Variants in ADAMTS6 observed in about 807,000 individuals in gnomAD.
ADAMTS6 encodes the protein A disintegrin and metalloproteinase with thrombospondin motifs 6.
A neutral mutation model predicts 144.3 loss-of-function variants in ADAMTS6; 23 were observed. That is an observed-to-expected ratio of 0.16 (90% CI 0.11 to 0.23). The LOEUF is 0.23. Among genes scored for constraint, ADAMTS6 ranks in the 10% least tolerant of loss-of-function variants. The probability of loss-of-function intolerance (pLI) is 1.00; values close to 1 mark genes in which losing one functional copy is unlikely to be tolerated. For missense variants in ADAMTS6, 999 were observed against 1,379.6 expected, an observed-to-expected ratio of 0.72 and a Z score of 4.37; for synonymous variants, 444 against 457.5, an observed-to-expected ratio of 0.97 and a Z score of 0.38.
intron 14 of ADAMTS6, among the ~76,000 whole-genome samples, chr5:65,255,785 T>A (rs1401552057): frequency 1.3e-5 from 2 of 152,188 alleles, no homozygotes; most frequent in Non-Finnish European, 2.9e-5. Context: ...AAAAAAATTT[T>A]GTCAGAATAA....
intron 24 of ADAMTS6, among the ~76,000 whole-genome samples, chr5:65,162,714 A>T (rs1319537269): frequency 6.6e-6 from 1 of 152,134 alleles, no homozygotes; most frequent in Admixed American, 6.5e-5. Context: ...GATAATATAT[A>T]TAAAGGGCCT....
chr5:65,419,509 C>T (rs1331765728), intron 7 of ADAMTS6, among the ~76,000 whole-genome samples: 1 of 152,100 alleles, frequency 6.6e-6, no homozygotes, highest in Non-Finnish European at 1.5e-5. Context: ...ACACAATATA[C>T]TCAGGCAACA....
chr5:65,441,284 T>C (rs935287883), intron 7 of ADAMTS6, among the ~76,000 whole-genome samples: 3 of 152,040 alleles, frequency 2.0e-5, no homozygotes, highest in Admixed American at 2.0e-4. Flanking sequence ...CTACCCAAAA[T>C]TGAATACACA....
intron 24 of ADAMTS6, among the ~76,000 whole-genome samples, chr5:65,162,185 T>C (rs571739089): frequency 6.6e-6 from 1 of 152,338 alleles, no homozygotes; most frequent in East Asian, 1.9e-4. Flanking sequence ...ATACATAAAC[T>C]GCAAAGTTTA....
At chr5:65,381,172 G>GTC (rs574372637) in intron 7 of ADAMTS6, among the ~76,000 whole-genome samples, 1 of 151,780 alleles carries the variant, frequency 6.6e-6, no homozygotes. Flanking sequence ...CTCTCTCTTT[G>GTC]TCTCTCTCTC....
chr5:65,406,632 G>C (rs886227652), intron 7 of ADAMTS6, among the ~76,000 whole-genome samples: 1 of 152,062 alleles, frequency 6.6e-6, no homozygotes, highest in Non-Finnish European at 1.5e-5. Flanking sequence ...TATTTGCCAG[G>C]CTTTGGTATC....
At chr5:65,328,733 A>G (rs753376307) in intron 9 of ADAMTS6, among the ~76,000 whole-genome samples, 5 of 151,264 alleles carry the variant, frequency 3.3e-5, no homozygotes, top group Non-Finnish European at 7.4e-5. Flanking sequence ...TCATATTACT[A>G]CTGCCTGTTG....
chr5:65,357,026 T>C (rs16893727), intron 7 of ADAMTS6, among the ~76,000 whole-genome samples: 4,760 of 151,830 alleles, frequency 0.031, 244 homozygotes, highest in African/African-American at 0.11. Context: ...TGAGGTATAA[T>C]GGGGTGAAGA....
At chr5:65,396,604 T>C (rs191597245) in intron 7 of ADAMTS6, among the ~76,000 whole-genome samples, 1 of 152,322 alleles carries the variant, frequency 6.6e-6, no homozygotes, top group East Asian at 1.9e-4. Context: ...ATCGGATAAG[T>C]ACTCAGAAAA....
At chr5:65,444,388 C>A (rs1173775767) in intron 7 of ADAMTS6, among the ~76,000 whole-genome samples, 1 of 152,014 alleles carries the variant, frequency 6.6e-6, no homozygotes, top group Non-Finnish European at 1.5e-5. Flanking sequence ...GCTATTAAAA[C>A]CAATAAATGA....
rs1280787763 is a variant in ADAMTS6, at chr5:65,422,175, A to G, written c.1073+29300T>C. ...ATAGGTAGTTCTCAAAAGAAGATAT[A>G]CAAATGGCCAAAAAATATATGAAAA... On this transcript the variant is annotated intron_variant, in intron 7 of 24. Coordinates refer to ENST00000381055, the MANE Select transcript of ADAMTS6 (RefSeq NM_197941.4). 3.9e-5 allele frequency among the ~76,000 whole-genome samples: 6 copies of G among 152,254 alleles called. No homozygotes were observed. The East Asian group carries it at 1.2e-3, about 29-fold the overall frequency.
At chr5:65,427,560 A>T (rs1267171511) in intron 7 of ADAMTS6, among the ~76,000 whole-genome samples, 1 of 152,198 alleles carries the variant, frequency 6.6e-6, no homozygotes, top group East Asian at 1.9e-4. Flanking sequence ...GCACTTTGGG[A>T]GGCCGAGGCA....
chr5:65,285,369 T>C (rs1347915552), intron 11 of ADAMTS6, among the ~76,000 whole-genome samples: 1 of 152,138 alleles, frequency 6.6e-6, no homozygotes, highest in Non-Finnish European at 1.5e-5. Flanking sequence ...TCCACTCTCT[T>C]CACCAGATAA....
chr5:65,285,988 C>T (rs2093877722), intron 11 of ADAMTS6, among the ~76,000 whole-genome samples: 1 of 152,150 alleles, frequency 6.6e-6, no homozygotes, highest in South Asian at 2.1e-4. Context: ...GAAATTGAGT[C>T]AGTATGTGCG....
At chr5:65,302,202 A>G (rs189405129) in intron 9 of ADAMTS6, among the ~76,000 whole-genome samples, 4,182 of 143,496 alleles carry the variant, frequency 0.029, 214 homozygotes, top group African/African-American at 0.1. Context: ...TTTATATGAT[A>G]TTATACATAT....
chr5:65,374,338 A>G (rs1282956942), intron 7 of ADAMTS6, among the ~76,000 whole-genome samples: 1 of 150,846 alleles, frequency 6.6e-6, no homozygotes, highest in African/African-American at 2.5e-5. Context: ...TGCAGACGAC[A>G]TGATTGTATA....
At chr5:65,305,404 A>C (rs1743840191) in intron 9 of ADAMTS6, among the ~76,000 whole-genome samples, 1 of 152,218 alleles carries the variant, frequency 6.6e-6, no homozygotes, top group Admixed American at 6.5e-5. Context: ...GGACTATAGA[A>C]ATATAAAAAC....
chr5:65,320,226 T>C (rs776608941), intron 9 of ADAMTS6, among the ~76,000 whole-genome samples: 1 of 152,046 alleles, frequency 6.6e-6, no homozygotes, highest in African/African-American at 2.4e-5. Flanking sequence ...AGAAAACAAA[T>C]TGTACCTATC....
chr5:65,377,336 G>A (rs1405154832), intron 7 of ADAMTS6, among the ~76,000 whole-genome samples: 1 of 152,050 alleles, frequency 6.6e-6, no homozygotes, highest in Non-Finnish European at 1.5e-5. Flanking sequence ...TTTCCACATG[G>A]CTAAGTTGTC....
Sources: gnomAD v4.1 joint callset for allele counts (sites outside exome capture counted in the v4.1 genomes callset) on GRCh38, gnomAD v4.1.1 for gene constraint, MANE v1.5 for transcripts, NCBI Gene and HGNC (gene_info 2026-07-23, HGNC 2026-07-21) for gene names.